The following PRDM16 variants were observed in gnomAD, a reference collection of about 807,000 sequenced individuals.
The protein encoded by PRDM16 is histone-lysine N-methyltransferase PRDM16.
PRDM16 carries 23 observed loss-of-function variants against 110.6 expected under a neutral mutation model. The ratio of observed to expected loss-of-function variants is 0.21; its 90% CI spans 0.15 to 0.29. The LOEUF (loss-of-function observed/expected upper bound fraction) is 0.29, where lower values mean the gene tolerates loss of function less well. PRDM16 is among the 10% of genes least tolerant of loss of function. PRDM16 has a pLI of 1.00. For synonymous variants in PRDM16, 799 were observed against 781.8 expected (o/e 1.02, Z -0.37); for missense variants, 1,615 against 1,794.3 (o/e 0.90, Z 1.81).
chr1:3,249,159 C>T (rs74050806), intron 3 of PRDM16, among the ~76,000 whole-genome samples: 22,702 of 150,988 alleles, frequency 0.15, 1,807 homozygotes, highest in Middle Eastern at 0.22. Flanking sequence ...TCCTGTGGCT[C>T]ACTGTGTTCT....
chr1:3,370,702 C>A lies in PRDM16; in HGVS notation c.439-14450C>A, dbSNP rs1642890175. Among the ~76,000 whole-genome samples, 1 of 152,208 alleles carries A rather than the reference C, an allele frequency of 6.6e-6. No individual in the cohort carries two copies. Among genetic ancestry groups the A allele is most frequent in the Admixed American group, 6.5e-5 (1 of 15,286 alleles). ...GTCCTGTGCTCTGCCACCATGACAA[C>A]TCCTGGAATGGTGTTCCCTTGTGTC... On this transcript the variant is annotated intron_variant, in intron 3 of 16. Coordinates refer to ENST00000270722, the MANE Select transcript of PRDM16 (RefSeq NM_022114.4). The surrounding 1 kb of genome is among the most constrained non-coding windows in gnomAD (Gnocchi z 4.8).
At chr1:3,237,714 C>T (rs1639569562) in intron 2 of PRDM16, among the ~76,000 whole-genome samples, 2 of 152,246 alleles carry the variant, frequency 1.3e-5, no homozygotes, top group Admixed American at 6.5e-5. Context: ...GCGGTGTGTC[C>T]AGGCCAAGGG....
intron 1 of PRDM16, among the ~76,000 whole-genome samples, chr1:3,109,397 C>T (rs1362224372): frequency 2.6e-5 from 4 of 152,124 alleles, no homozygotes; most frequent in Non-Finnish European, 4.4e-5. Context: ...CATCCTCATC[C>T]GTGGAGCCCG....
Position 3,432,037 on chromosome 1 carries a change from T to A in PRDM16, c.3593T>A (p.Leu1198His). Residue 1198 changes from leucine to histidine, a missense_variant, in exon 16 of 17, where the codon CTC becomes CAC. By Grantham distance (99) the Leu-to-His change is moderately conservative. Transcript: ENST00000270722. ...PMPTFGKGLD[L>H]RRAAEEAFEV... Reference sequence around the variant, plus strand: ...CCGACTTTTGGGAAGGGGCTGGACCTCCGCAGAGCAGCTGAGGAAGCATTT... The same window carrying A: ...CCGACTTTTGGGAAGGGGCTGGACCACCGCAGAGCAGCTGAGGAAGCATTT... 1 of 1,614,156 alleles carries A rather than the reference T, an allele frequency of 6.2e-7. No individual in the cohort carries two copies. Among genetic ancestry groups the A allele is most frequent in the Non-Finnish European group, 8.5e-7 (1 of 1,180,022 alleles).
At chr1:3,357,214 C>T (rs963312950) in intron 3 of PRDM16, among the ~76,000 whole-genome samples, 1 of 152,184 alleles carries the variant, frequency 6.6e-6, no homozygotes, top group African/African-American at 2.4e-5. Flanking sequence ...CTCTTGGCCC[C>T]CAGGGTCTGC....
chr1:3,219,009 C>T (rs1025659447), intron 2 of PRDM16, among the ~76,000 whole-genome samples: 2 of 152,202 alleles, frequency 1.3e-5, no homozygotes, highest in Non-Finnish European at 2.9e-5. Flanking sequence ...GGGGTCCTCG[C>T]GTCCAGTGCC....
chr1:3,088,427 G>C (rs942439366), intron 1 of PRDM16, among the ~76,000 whole-genome samples: 2 of 150,202 alleles, frequency 1.3e-5, no homozygotes, highest in Non-Finnish European at 3.0e-5. Context: ...GAATACTCTT[G>C]GGAGATGCAG....
intron 1 of PRDM16, among the ~76,000 whole-genome samples, chr1:3,123,792 G>A (rs1643146556): frequency 6.6e-6 from 1 of 152,266 alleles, no homozygotes; most frequent in Non-Finnish European, 1.5e-5. Flanking sequence ...CCAGTGGCGA[G>A]ACATCAAGTC....
At chr1:3,405,790 C>A in intron 8 of PRDM16, 142 bp downstream of exon 8, 2 of 818,564 alleles carry the variant, frequency 2.4e-6, no homozygotes, top group Non-Finnish European at 3.6e-6. Context: ...CAGGTTCTGA[C>A]ATCTCTGCCG....
At chr1:3,118,230 C>T (rs2100656961) in intron 1 of PRDM16, among the ~76,000 whole-genome samples, 1 of 152,306 alleles carries the variant, frequency 6.6e-6, no homozygotes, top group African/African-American at 2.4e-5. Context: ...CACGTGCACA[C>T]ACGTGCATAC....
chr1:3,412,833 TG>T, intron 9 of PRDM16, 33 bp downstream of exon 9: 3 of 1,423,226 alleles, frequency 2.1e-6, no homozygotes, highest in Non-Finnish European at 2.8e-6. Context: ...TGGCTCTCCC[TG>T]GGGCGGGGCC....
In PRDM16 at chr1:3,265,788, C is replaced by G. The variant is rs1054902631; in HGVS notation, c.438+21651C>G. The stretch of plus-strand genomic sequence containing the variant: ...TCCAGCTGGCACCTCACGCTCTGTC[C>G]TCACCGCCCAGACCCTAGGAGCCCC... On this transcript the variant is annotated intron_variant, in intron 3 of 16. Transcript: ENST00000270722. The surrounding 1 kb of genome is among the most constrained non-coding windows in gnomAD (Gnocchi z 4.5). 3.9e-4 allele frequency among the ~76,000 whole-genome samples: 59 copies of G among 152,264 alleles called. No homozygotes were observed. The highest frequency in any genetic ancestry group is 1.4e-3 in the African/African-American group (57 of 41,532).
intron 1 of PRDM16, among the ~76,000 whole-genome samples, chr1:3,180,810 C>A (rs1314315584): frequency 1.4e-5 from 2 of 147,524 alleles, no homozygotes; most frequent in Non-Finnish European, 3.0e-5. Context: ...TTGCCCTGGA[C>A]ACCTTTTCAG....
At chr1:3,241,110 C>T (rs564594140) in intron 2 of PRDM16, among the ~76,000 whole-genome samples, 2 of 152,360 alleles carry the variant, frequency 1.3e-5, no homozygotes, top group South Asian at 2.1e-4. Context: ...TTTTTCCAGC[C>T]GAGGTCAGCA....
intron 4 of PRDM16, among the ~76,000 whole-genome samples, chr1:3,395,104 T>G (rs1388607963): frequency 2.0e-5 from 3 of 152,238 alleles, no homozygotes; most frequent in Non-Finnish European, 4.4e-5. Context: ...CTGTGACTTA[T>G]GTGTGTCTTT....
At chr1:3,411,278 C>A in intron 8 of PRDM16, 106 bp from the exon 9 acceptor site, 2 of 1,227,096 alleles carry the variant, frequency 1.6e-6, no homozygotes, top group Non-Finnish European at 2.3e-6. Context: ...CAGCCCCAGC[C>A]TCGCCCCTCC....
intron 1 of PRDM16, among the ~76,000 whole-genome samples, chr1:3,116,063 C>T (rs1389788870): frequency 1.3e-5 from 2 of 152,194 alleles, no homozygotes; most frequent in Non-Finnish European, 2.9e-5. Context: ...CAGGTGTGGC[C>T]AGCCGGAGCC....
intron 1 of PRDM16, among the ~76,000 whole-genome samples, chr1:3,099,080 G>A (rs79705252): frequency 0.014 from 2,140 of 152,278 alleles, 53 homozygotes; most frequent in African/African-American, 0.049. Context: ...GTGTGGGAGC[G>A]CTGAGAAGCA....
At chr1:3,251,794 A>G (rs927173738) in intron 3 of PRDM16, among the ~76,000 whole-genome samples, 3 of 152,162 alleles carry the variant, frequency 2.0e-5, no homozygotes, top group Admixed American at 6.5e-5. Context: ...CCTGTCCATA[A>G]TCTTCAGGTG....
Sources: allele counts gnomAD v4.1 joint callset (sites outside exome capture counted in the v4.1 genomes callset), GRCh38; gene constraint gnomAD v4.1.1; non-coding constraint Gnocchi (gnomAD v3.1); transcripts MANE v1.5; gene names NCBI Gene and HGNC (gene_info 2026-07-23, HGNC 2026-07-21).